IFT172: variants seen among roughly 807,000 people sequenced by gnomAD.
IFT172 encodes intraflagellar transport protein 172 homolog.
Under a neutral mutation model 248.9 loss-of-function variants are expected in IFT172, and 164 were observed. The ratio of observed to expected loss-of-function variants is 0.66; its 90% CI spans 0.58 to 0.75. The LOEUF is 0.75. IFT172 is among the 30% of genes least tolerant of loss of function. IFT172 has a pLI of 0.00. For missense variants in IFT172, 1,950 were observed against 2,192.4 expected (o/e 0.89, Z 2.21); for synonymous variants, 729 against 791.6 (o/e 0.92, Z 1.33).
chr2:27,451,768 AAAAC>A (rs1380594297), intron 35 of IFT172, among the ~76,000 whole-genome samples: 3 of 152,230 alleles, frequency 2.0e-5, no homozygotes, highest in South Asian at 2.1e-4. Flanking sequence ...TCCGTCTCAA[AAAAC>A]AAACAAACAA....
rs754968647 is a variant in IFT172 at position 27,477,604 on chromosome 2, C to A, written c.1176G>T (p.Trp392Cys). Residue 392 changes from tryptophan to cysteine, a missense_variant, in exon 12 of 48, where the codon TGG (tryptophan) becomes TGT (cysteine). Trp to Cys is a radical substitution (Grantham distance 215). This residue lies in a region of IFT172 where 1,166 missense variants were observed against 1,254.1 expected (regional missense o/e 0.93). Coordinates refer to ENST00000260570, the MANE Select transcript of IFT172 (RefSeq NM_015662.3). ...LNTNRLSEIA[W>C]QGSGGNEKYF... ...ACTTCTCATTGCCACCAGATCCTTG[C>A]CAGGCTATCTGTAACGGGAGAAGAC... The A allele has an allele frequency of 1.2e-6, 2 of 1,607,448 alleles. No individual in the cohort carries two copies. The highest frequency in any genetic ancestry group is 1.7e-6 in the Non-Finnish European group (2 of 1,173,854).
chr2:27,453,723 C>A lies in IFT172; in HGVS notation c.3728G>T (p.Ser1243Ile), dbSNP rs145507269. ...GTCCTTGCAGATGCGCAGAGCGTCA[C>A]TCCATAATCCAGCCTCCTGCTCAGA... ...LNYYKEAGLW[S>I]DALRICKDYV... Residue 1243 changes from serine to isoleucine, a missense_variant, in exon 34 of 48, where the codon AGT (serine) becomes ATT (isoleucine). Coordinates refer to ENST00000260570, the MANE Select transcript of IFT172 (RefSeq NM_015662.3). The A allele has an allele frequency of 9.9e-6, 16 of 1,611,658 alleles. No individual in the cohort carries two copies. Among genetic ancestry groups the A allele is most frequent in the Middle Eastern group, 3.3e-4 (2 of 6,068 alleles).
At position 27,485,473 on chromosome 2, in the gene IFT172, A is replaced by G; in HGVS notation, c.70T>C (p.Trp24Arg). The change falls in exon 2 of 48, where the codon TGG becomes CGG. Residue 24 changes from tryptophan (W) to arginine (R), a missense_variant. By Grantham distance (101) the Trp-to-Arg change is moderately radical. Around this residue, in one of 3 missense-constraint regions of IFT172, gnomAD observed 1,166 missense variants for 1,254.1 expected, o/e 0.93. Coordinates refer to ENST00000260570, the MANE Select transcript of IFT172 (RefSeq NM_015662.3). The stretch of plus-strand genomic sequence containing the variant: ...GCAAATTTGGCATTGTTCTGGGACC[A>G]AGCCATGCAGGTCACCTTTGCAGCT... ...DGAAKVTCMA[W>R]SQNNAKFAVC... 1 of 1,614,118 alleles carries G rather than the reference A, an allele frequency of 6.2e-7. No individual in the cohort carries two copies. The highest frequency in any genetic ancestry group is 8.5e-7 in the Non-Finnish European group (1 of 1,179,946).
At chr2:27,462,830 G>A in intron 19 of IFT172, 37 bp from the exon 20 acceptor site, 1 of 1,593,230 alleles carries the variant, frequency 6.3e-7, no homozygotes, top group Non-Finnish European at 8.6e-7. Context: ...TTTTCTGTAG[G>A]TGCTGCCATT....
intron 14 of IFT172, among the ~76,000 whole-genome samples, chr2:27,472,895 G>A (rs919161137): frequency 5.9e-5 from 9 of 152,162 alleles, no homozygotes; most frequent in Non-Finnish European, 1.3e-4. Context: ...ACCAATTAGG[G>A]TTGGCTGGGA....
intron 8 of IFT172, 108 bp downstream of exon 8, chr2:27,480,938 A>G: frequency 1.3e-6 from 1 of 795,818 alleles, no homozygotes; most frequent in Non-Finnish European, 2.1e-6. Context: ...TTACATACAT[A>G]CATTTGATTC....
At chr2:27,444,664 T>C (rs1664870819) in intron 47 of IFT172, 143 bp from the exon 48 acceptor site, 2 of 704,124 alleles carry the variant, frequency 2.8e-6, no homozygotes, top group Non-Finnish European at 4.8e-6. Flanking sequence ...TTTGTTTGTT[T>C]TGAGACAAAG....
chr2:27,485,518 G>C lies in IFT172; in HGVS notation c.40-15C>G. 1 of 1,613,810 alleles carries C rather than the reference G, an allele frequency of 6.2e-7. No homozygotes were observed. Among genetic ancestry groups the C allele is most frequent in the Non-Finnish European group, 8.5e-7 (1 of 1,179,806 alleles). Reference sequence around the variant, plus strand: ...GCAGCTCCATCCTGTAGAGGCAAAGGGGTAAAAACAAACCCATGTGCTGGT... The same window carrying C: ...GCAGCTCCATCCTGTAGAGGCAAAGCGGTAAAAACAAACCCATGTGCTGGT... On this transcript the variant is annotated splice_polypyrimidine_tract_variant and intron_variant, in intron 1 of 47. Transcript: ENST00000260570.
Position 27,458,168 on chromosome 2 carries a change from G to A in IFT172, c.2933C>T (p.Ala978Val). ...CTTGCCCTGCTTCTCCATTTCCTGG[G>A]CCTGAGTGATGTATAGCACTGACAC... ...EDVSVLYITQ[A>V]QEMEKQGKYR... The change falls in exon 27 of 48, where the codon GCC becomes GTC. Residue 978 changes from alanine to valine, a missense_variant. This residue lies in a region of IFT172 where 1,166 missense variants were observed against 1,254.1 expected (regional missense o/e 0.93). Coordinates refer to ENST00000260570, the MANE Select transcript of IFT172 (RefSeq NM_015662.3). The A allele has an allele frequency of 6.2e-7, 1 of 1,614,108 alleles. No individual in the cohort carries two copies. The highest frequency in any genetic ancestry group is 8.5e-7 in the Non-Finnish European group (1 of 1,180,010).
rs942435636 is a variant in IFT172 at position 27,447,122 on chromosome 2, G to A, written c.4659+393C>T. 1.5e-4 allele frequency among the ~76,000 whole-genome samples: 23 copies of A among 151,838 alleles called. No individual in the cohort carries two copies. The East Asian group carries it at 1.7e-3, about 11-fold the overall frequency. On this transcript the variant is annotated intron_variant, in intron 42 of 47. Coordinates refer to ENST00000260570, the MANE Select transcript of IFT172 (RefSeq NM_015662.3). ...CCTCCCAAAGTGCTGGGATTACAGG[G>A]GTGAGCCACCACACCCACCCACCTA...
chr2:27,474,596 G>A (rs191319595), intron 14 of IFT172, among the ~76,000 whole-genome samples: 10 of 152,158 alleles, frequency 6.6e-5, no homozygotes, highest in Admixed American at 5.2e-4. Context: ...TTATCGCCCA[G>A]GTTAGAGTGC....
At position 27,466,033 on chromosome 2, in the gene IFT172, T is replaced by TA. The variant is rs1667070226; in HGVS notation, c.1693-152dup. 8 of 853,010 alleles carry TA rather than the reference T, an allele frequency of 9.4e-6. No homozygotes were observed. The South Asian group carries it at 9.8e-5, about 10-fold the overall frequency. The allele number at this position is 853,010 out of a possible 1,614,324, so 52.8% of individuals were successfully genotyped here. On this transcript the variant is annotated intron_variant, in intron 16 of 47. Coordinates refer to ENST00000260570, the MANE Select transcript of IFT172 (RefSeq NM_015662.3). Reference sequence around the variant, plus strand: ...CTAACATTTTAGTTTCTCTCAAGCATAAAAAAATACTTCATTTATAGCAAT... The same window carrying TA: ...CTAACATTTTAGTTTCTCTCAAGCATAAAAAAAATACTTCATTTATAGCAAT...
intron 21 of IFT172, 32 bp downstream of exon 21, chr2:27,461,727 C>G (rs1467477331): frequency 1.2e-6 from 2 of 1,613,512 alleles, no homozygotes; most frequent in Middle Eastern, 1.6e-4. Flanking sequence ...GAACCAAATT[C>G]TGAACAACTG....
At chr2:27,470,311 G>A (rs1162598051) in intron 16 of IFT172, among the ~76,000 whole-genome samples, 1 of 149,894 alleles carries the variant, frequency 6.7e-6, no homozygotes, top group African/African-American at 2.5e-5. Flanking sequence ...GAGAGAAGGA[G>A]AGAAAGAGAA....
Position 27,485,060 on chromosome 2 carries a change from T to A in IFT172, c.254A>T (p.Gln85Leu), listed in dbSNP as rs1315759776. The A allele has an allele frequency of 6.2e-7, 1 of 1,608,594 alleles. No individual in the cohort carries two copies. The highest frequency in any genetic ancestry group is 1.3e-5 in the African/African-American group (1 of 74,880). Residue 85 changes from glutamine (Q) to leucine (L), a missense_variant, in exon 3 of 48, where the codon CAG becomes CTG. Gln to Leu is a moderately radical substitution (Grantham distance 113, BLOSUM62 -2). Around this residue, in one of 3 missense-constraint regions of IFT172, gnomAD observed 1,166 missense variants for 1,254.1 expected, o/e 0.93. Coordinates refer to ENST00000260570, the MANE Select transcript of IFT172 (RefSeq NM_015662.3). ...GTAGACATAGATGATGTTGTCAGTC[T>A]GTCCTATGGCAATTTTAGTGGAATC... ...SPDSTKIAIG[Q>L]TDNIIYVYKI...
intron 42 of IFT172, chr2:27,446,612 C>A: frequency 1.7e-5 from 5 of 295,070 alleles, no homozygotes; most frequent in Non-Finnish European, 2.6e-5. Context: ...CTCCCGGATT[C>A]AAGTAATTCT....
chr2:27,449,898 C>T, intron 36 of IFT172, 98 bp from the exon 37 acceptor site: 1 of 1,388,536 alleles, frequency 7.2e-7, no homozygotes. Context: ...AAGCCATGCC[C>T]ACCAGGAGGC....
At chr2:27,448,774 C>A (rs1366952961) in intron 40 of IFT172, 141 bp downstream of exon 40, 3 of 670,394 alleles carry the variant, frequency 4.5e-6, no homozygotes, top group Non-Finnish European at 8.2e-6. Flanking sequence ...CTGTACATTT[C>A]TGGAGATGCG....
rs866372690 is a variant in IFT172, at chr2:27,457,878, G to A, written c.3074C>T (p.Pro1025Leu). Residue 1025 changes from proline to leucine, a missense_variant, in exon 28 of 48, where the codon CCA becomes CTA. By Grantham distance (98) the Pro-to-Leu change is moderately conservative (BLOSUM62 -3). Around this residue, in one of 3 missense-constraint regions of IFT172, gnomAD observed 164 missense variants for 239.3 expected, o/e 0.69. Transcript: ENST00000260570. ...TAGGTGTGTATCACTGAGGAGATCT[G>A]GATGGTGCTTCCCTACCAGGCGGAT... ...DMIRLVGKHHPDLLSDTHLHL... is the reference protein window; with the variant it reads ...DMIRLVGKHHLDLLSDTHLHL... 5.0e-6 allele frequency: 8 copies of A among 1,614,078 alleles called. No homozygotes were observed. The African/African-American group carries it at 1.1e-4, about 22-fold the overall frequency.
Sources: gnomAD v4.1 joint callset for allele counts (sites outside exome capture counted in the v4.1 genomes callset) on GRCh38, gnomAD v4.1.1 for gene constraint, gnomAD v4.1.1 regional missense constraint, MANE v1.5 for transcripts, NCBI Gene and HGNC (gene_info 2026-07-23, HGNC 2026-07-21) for gene names.